The following CDHR5 variants were observed in gnomAD, a reference collection of about 807,000 sequenced individuals.
The protein encoded by CDHR5 is cadherin related family member 5.
Under a neutral mutation model 69.5 loss-of-function variants are expected in CDHR5, and 82 were observed. That is an observed-to-expected ratio of 1.18 (90% CI 0.99 to 1.42). CDHR5 has a LOEUF of 1.42. CDHR5 is among the 40% of genes most tolerant of loss of function. CDHR5 has a pLI of 0.00. For synonymous variants in CDHR5, 601 were observed against 510.2 expected, an observed-to-expected ratio of 1.18 and a Z score of -2.40; for missense variants, 1,293 against 1,168.9, an observed-to-expected ratio of 1.11 and a Z score of -1.55.
In CDHR5 at chr11:619,066, C is replaced by T. The variant is rs1857185991; in HGVS notation, c.1493G>A (p.Gly498Glu). 4 of 1,612,412 alleles carry T rather than the reference C, an allele frequency of 2.5e-6. No individual in the cohort carries two copies. Among genetic ancestry groups the T allele is most frequent in the African/African-American group, 1.3e-5 (1 of 74,810 alleles). ...SQGPSTTSSG[G>E]GTGPHPPSGT... ...AGAGGGTGGATGAGGGCCTGTGCCT[C>T]CCCCAGAGCTGGTCGTGGAGGGTCC... is the stretch of plus-strand genomic sequence containing the variant. Residue 498 changes from glycine to glutamate, a missense_variant, in exon 13 of 15, where the codon GGA (glycine) becomes GAA (glutamate). Physicochemically the swap from Gly to Glu is moderately conservative, Grantham distance 98 (BLOSUM62 -2). Transcript: ENST00000397542.
Position 621,625 on chromosome 11 carries a change from T to A in CDHR5, c.444A>T (p.Gln148His). Residue 148 changes from glutamine (Q) to histidine (H), a missense_variant, in exon 5 of 15, where the codon CAA becomes CAT. Transcript: ENST00000397542. The surrounding 1 kb of genome is among the most constrained non-coding windows in gnomAD (Gnocchi z 4.4). ...CCTTGTCGCGGTCCTCAGCCTGCAGTTGCGTCTCGGGGATGACGGTGGAGT... is the reference window on the plus strand; with the variant it reads ...CCTTGTCGCGGTCCTCAGCCTGCAGATGCGTCTCGGGGATGACGGTGGAGT... ...KVNSTVIPET[Q>H]LQAEDRDKDD... 1 of 1,613,744 alleles carries A rather than the reference T, an allele frequency of 6.2e-7. No homozygotes were observed. Among genetic ancestry groups the A allele is most frequent in the Non-Finnish European group, 8.5e-7 (1 of 1,179,832 alleles).
chr11:621,939 C>T lies in CDHR5; in HGVS notation c.313-35G>A, dbSNP rs375109918. On this transcript the variant is annotated intron_variant, in intron 3 of 14. Coordinates refer to ENST00000397542, the MANE Select transcript of CDHR5 (RefSeq NM_021924.5). This position sits in a 1 kb window ranked among gnomAD's most constrained non-coding sequence, Gnocchi z 4.4. ...GTGGCCGTCAGCCTCTCCCACAGCC[C>T]CTCCCCGTTGTGAGGTGCACCCCTC... The T allele has an allele frequency of 3.7e-5, 58 of 1,556,772 alleles. No homozygotes were observed. The highest frequency in any genetic ancestry group is 1.5e-4 in the Admixed American group (9 of 58,876).
Position 617,362 on chromosome 11 carries a change from A to C in CDHR5, c.2527T>G (p.Ser843Ala). 6.2e-7 allele frequency: 1 copy of C among 1,603,780 alleles called. No homozygotes were observed. Among genetic ancestry groups the C allele is most frequent in the Non-Finnish European group, 8.5e-7 (1 of 1,173,684 alleles). ...GPYDAPGGDDSYI is the reference protein window; with the variant it reads ...GPYDAPGGDDAYI The stretch of plus-strand genomic sequence containing the variant: ...GGTGGAGGGGCCACTTAGATGTAGG[A>C]GTCATCACCACCGGGCGCATCGTAG... The change falls in exon 15 of 15, where the codon TCC becomes GCC. Residue 843 changes from serine to alanine, a missense_variant. Ser to Ala is a moderately conservative substitution (Grantham distance 99). Transcript: ENST00000397542.
At position 617,598 on chromosome 11, in the gene CDHR5, G is replaced by T. The variant is rs777409245; in HGVS notation, c.2291C>A (p.Ala764Glu). Residue 764 changes from alanine to glutamate, a missense_variant, in exon 15 of 15, where the codon GCG becomes GAG. Coordinates refer to ENST00000397542, the MANE Select transcript of CDHR5 (RefSeq NM_021924.5). Reference sequence around the variant, plus strand: ...CGTGGGGCTTCCGCCAGCTCGGGCCGCTGCGGGGGGCTCAGGGGCACCGCC... The same window carrying T: ...CGTGGGGCTTCCGCCAGCTCGGGCCTCTGCGGGGGGCTCAGGGGCACCGCC... ...SPGGAPEPPAAARAGGSPTAV... is the reference protein window; with the variant it reads ...SPGGAPEPPAEARAGGSPTAV... The T allele has an allele frequency of 1.2e-6, 2 of 1,605,576 alleles. No homozygotes were observed. Among genetic ancestry groups the T allele is most frequent in the African/African-American group, 2.7e-5 (2 of 74,500 alleles).
rs764162002 is a variant in CDHR5, at chr11:621,659, G to A, written c.410C>T (p.Thr137Met). The change falls in exon 5 of 15, where the codon ACG becomes ATG. Residue 137 changes from threonine to methionine, a missense_variant. Coordinates refer to ENST00000397542, the MANE Select transcript of CDHR5 (RefSeq NM_021924.5). The surrounding 1 kb of genome is among the most constrained non-coding windows in gnomAD (Gnocchi z 4.4). ...KTKEIRVEED[T>M]KVNSTVIPET... ...GGGGATGACGGTGGAGTTCACTTTC[G>A]TGTCCTGGGGAGGGAGAGGGGCTTG... 3.7e-5 allele frequency: 60 copies of A among 1,611,560 alleles called. No individual in the cohort carries two copies. The South Asian group carries it at 5.9e-4, about 16-fold the overall frequency.
At position 619,459 on chromosome 11, in the gene CDHR5, T is replaced by C; in HGVS notation, c.1293+15A>G. On this transcript the variant is annotated intron_variant, in intron 11 of 14. Coordinates refer to ENST00000397542, the MANE Select transcript of CDHR5 (RefSeq NM_021924.5). ...CCCCACACCCTTGGAGATGCCCGCC[T>C]GCCCTGCCCCGCACCTCTGCGTAGA... 6.2e-7 allele frequency: 1 copy of C among 1,608,614 alleles called. No individual in the cohort carries two copies. The highest frequency in any genetic ancestry group is 2.2e-5 in the East Asian group (1 of 44,858).
chr11:618,505 G>T, intron 13 of CDHR5, 94 bp downstream of exon 13: 1 of 1,443,390 alleles, frequency 6.9e-7, no homozygotes, highest in Non-Finnish European at 9.5e-7. Context: ...TTCATGGTCA[G>T]GCCAGGTCAG....
Position 617,739 on chromosome 11 carries a change from G to T in CDHR5, c.2150C>A (p.Ala717Glu). Reference sequence around the variant, plus strand: ...GTTGGCCTTGTGGTCAGGGAGGAACGCCTGGTTGTCAAAGCCTTGGGGCTG... The same window carrying T: ...GTTGGCCTTGTGGTCAGGGAGGAACTCCTGGTTGTCAAAGCCTTGGGGCTG... ...EPQPQGFDNQ[A>E]FLPDHKANWA... The change falls in exon 15 of 15, where the codon GCG (alanine) becomes GAG (glutamate). Residue 717 changes from alanine (A) to glutamate (E), a missense_variant. Coordinates refer to ENST00000397542, the MANE Select transcript of CDHR5 (RefSeq NM_021924.5). The T allele has an allele frequency of 6.9e-7, 1 of 1,458,540 alleles. No individual in the cohort carries two copies. Among genetic ancestry groups the T allele is most frequent in the Non-Finnish European group, 9.0e-7 (1 of 1,113,192 alleles). The allele number at this position is 1,458,540 out of a possible 1,614,324, so 90.3% of individuals were successfully genotyped here.
At position 624,388 on chromosome 11, in the gene CDHR5, G is replaced by T; in HGVS notation, c.262-125C>A. 1 of 772,666 alleles carries T rather than the reference G, an allele frequency of 1.3e-6. No homozygotes were observed. The highest frequency in any genetic ancestry group is 2.3e-6 in the Non-Finnish European group (1 of 433,942). The allele number at this position is 772,666 out of a possible 1,614,324, so 47.9% of individuals were successfully genotyped here. ...GTCAGTGCTGAGGGTGTGGGCCCAGGCAGCTTCATCCCGAAATGGCCCAGC... is the reference window on the plus strand; with the variant it reads ...GTCAGTGCTGAGGGTGTGGGCCCAGTCAGCTTCATCCCGAAATGGCCCAGC... On this transcript the variant is annotated intron_variant, in intron 2 of 14. Coordinates refer to ENST00000397542, the MANE Select transcript of CDHR5 (RefSeq NM_021924.5). This position sits in a 1 kb window ranked among gnomAD's most constrained non-coding sequence, Gnocchi z 5.3.
In CDHR5 at chr11:624,380, G is replaced by C; in HGVS notation, c.262-117C>G. 1.3e-6 allele frequency: 1 copy of C among 756,350 alleles called. No individual in the cohort carries two copies. The highest frequency in any genetic ancestry group is 2.4e-6 in the Non-Finnish European group (1 of 419,322). The allele number at this position is 756,350 out of a possible 1,614,324, so 46.9% of individuals were successfully genotyped here. A position where few individuals can be genotyped will look rare whatever the true frequency, so the allele number is the denominator to read the frequency against. On this transcript the variant is annotated intron_variant, in intron 2 of 14. Transcript: ENST00000397542. This position sits in a 1 kb window ranked among gnomAD's most constrained non-coding sequence, Gnocchi z 5.3. ...CATCAGTGGTCAGTGCTGAGGGTGT[G>C]GGCCCAGGCAGCTTCATCCCGAAAT...
rs763492983 is a variant in CDHR5 at position 620,379 on chromosome 11, G to T, written c.797C>A (p.Pro266His). The T allele has an allele frequency of 6.2e-7, 1 of 1,604,856 alleles. No homozygotes were observed. Among genetic ancestry groups the T allele is most frequent in the African/African-American group, 1.3e-5 (1 of 74,748 alleles). Residue 266 changes from proline (P) to histidine (H), a missense_variant, in exon 8 of 15, where the codon CCC becomes CAC. By Grantham distance (77) the Pro-to-His change is moderately conservative. Coordinates refer to ENST00000397542, the MANE Select transcript of CDHR5 (RefSeq NM_021924.5). The stretch of plus-strand genomic sequence containing the variant: ...GATGGGTCCGGGACGCAGGACGAGG[G>T]GAGATGGCTTCAGGGATGGCGGAAG... ...AVPTGHILPS[P>H]LVLRPGPIYA...
Position 619,000 on chromosome 11 carries a change from C to G in CDHR5, c.1559G>C (p.Gly520Ala). ...LRPPTSSTPG[G>A]PPGAENSTSH... ...GGTGCTGTTTTCTGCACCCGGGGGC[C>G]CCCCGGGTGTGGACGAGGTTGGTGG... Residue 520 changes from glycine to alanine, a missense_variant, in exon 13 of 15, where the codon GGG becomes GCG. Gly to Ala is a moderately conservative substitution (Grantham distance 60). Coordinates refer to ENST00000397542, the MANE Select transcript of CDHR5 (RefSeq NM_021924.5). The G allele has an allele frequency of 6.2e-7, 1 of 1,613,450 alleles. No homozygotes were observed. Among genetic ancestry groups the G allele is most frequent in the Non-Finnish European group, 8.5e-7 (1 of 1,179,698 alleles).
At chr11:618,527 C>A (rs2740377) in intron 13 of CDHR5, 72 bp downstream of exon 13, 3 of 1,559,116 alleles carry the variant, frequency 1.9e-6, no homozygotes, top group Non-Finnish European at 2.6e-6. Flanking sequence ...CTGGGGTGGA[C>A]CCTTCCTACA....
rs1856965170 is a variant in CDHR5 at position 617,245 on chromosome 11, C to T, written c.*106G>A. 2 of 920,208 alleles carry T rather than the reference C, an allele frequency of 2.2e-6. No homozygotes were observed. The highest frequency in any genetic ancestry group is 2.6e-4 in the Middle Eastern group (1 of 3,782). 57.0% of individuals were successfully genotyped at this position (920,208 alleles called of 1,614,324 possible). ...ATGGACCCGCGCGCCTGCCCCACGC[C>T]ATGGCCTGGGTTTCGGGAGCCTTGC... On this transcript the variant is annotated 3_prime_UTR_variant, in exon 15 of 15. Transcript: ENST00000397542.
At position 617,003 on chromosome 11, in the gene CDHR5, C is replaced by T. The variant is rs755709749; in HGVS notation, c.*348G>A. 1.9e-5 allele frequency: 6 copies of T among 310,474 alleles called. No homozygotes were observed. The highest frequency in any genetic ancestry group is 5.0e-5 in the Admixed American group (1 of 19,900). The allele number at this position is 310,474 out of a possible 1,614,324, so 19.2% of individuals were successfully genotyped here. A position where few individuals can be genotyped will look rare whatever the true frequency, so the allele number is the denominator to read the frequency against. The stretch of plus-strand genomic sequence containing the variant: ...GGTGCCTGAGATCTCCGGTGCAGGT[C>T]GGGGGAGGGGAGCCCCCCTCGGGCT... On this transcript the variant is annotated 3_prime_UTR_variant, in exon 15 of 15. Coordinates refer to ENST00000397542, the MANE Select transcript of CDHR5 (RefSeq NM_021924.5).
At position 621,431 on chromosome 11, in the gene CDHR5, C is replaced by G; in HGVS notation, c.532G>C (p.Val178Leu). The change falls in exon 6 of 15, where the codon GTG (valine) becomes CTG (leucine). Residue 178 changes from valine (V) to leucine (L), a missense_variant. Val to Leu is a conservative substitution (Grantham distance 32, BLOSUM62 1). Coordinates refer to ENST00000397542, the MANE Select transcript of CDHR5 (RefSeq NM_021924.5). The surrounding 1 kb of genome is among the most constrained non-coding windows in gnomAD (Gnocchi z 4.4). ...TAGASDYFSL[V>L]SVNRPALRLD... is the part of the protein sequence containing the mutation. ...CTCAGGGCGGGACGGTTTACACTCA[C>G]CAGGGAGAAGTAGTCACTGGCACCC... 6.2e-7 allele frequency: 1 copy of G among 1,612,792 alleles called. No homozygotes were observed. The highest frequency in any genetic ancestry group is 1.7e-5 in the Admixed American group (1 of 60,006).
intron 13 of CDHR5, 143 bp from the exon 14 acceptor site, chr11:618,254 G>T (rs1324827520): frequency 2.7e-6 from 2 of 735,850 alleles, no homozygotes; most frequent in Non-Finnish European, 4.4e-6. Context: ...TGCTGACCCT[G>T]GCTCAAGGGG....
intron 9 of CDHR5, 88 bp from the exon 10 acceptor site, chr11:619,969 T>C: frequency 7.1e-7 from 1 of 1,414,826 alleles, no homozygotes; most frequent in East Asian, 2.5e-5. Context: ...AGGTGCAGAC[T>C]TGGCGGGGGC....
At chr11:622,040 CCCT>C (rs1172211063) in intron 3 of CDHR5, 136 bp from the exon 4 acceptor site, 6 of 656,518 alleles carry the variant, frequency 9.1e-6, no homozygotes, top group Non-Finnish European at 1.3e-5. Context: ...TGAGGTGCAC[CCCT>C]CGACGGCCAC....
Sources: gnomAD v4.1 joint callset for allele counts on GRCh38, gnomAD v4.1.1 for gene constraint, Gnocchi (gnomAD v3.1) non-coding constraint, MANE v1.5 for transcripts, NCBI Gene and HGNC (gene_info 2026-07-23, HGNC 2026-07-21) for gene names.